PPP1R12C: variants seen among roughly 807,000 people sequenced by gnomAD.
The protein encoded by PPP1R12C is leukocyte receptor cluster (LRC) encoded novel gene 3.
A neutral mutation model predicts 95.6 loss-of-function variants in PPP1R12C; 48 were observed. That is an observed-to-expected ratio of 0.50 (90% CI 0.40 to 0.64). The LOEUF (loss-of-function observed/expected upper bound fraction) is 0.64, where lower values mean the gene tolerates loss of function less well. PPP1R12C is among the 30% of genes least tolerant of loss of function. The pLI is 0.00. For missense variants in PPP1R12C, 1,057 were observed against 1,083.3 expected (o/e 0.98, Z 0.34); for synonymous variants, 480 against 460.8 (o/e 1.04, Z -0.53).
intron 6 of PPP1R12C, among the ~76,000 whole-genome samples, 177 bp downstream of exon 6, chr19:55,098,607 G>A (rs1183516304): frequency 1.3e-5 from 2 of 152,264 alleles, no homozygotes; most frequent in Non-Finnish European, 2.9e-5. Context: ...TCTCTGTCCT[G>A]CCCCGGCTGG....
At chr19:55,100,620 G>T (rs866812773) in intron 4 of PPP1R12C, among the ~76,000 whole-genome samples, 13 of 152,124 alleles carry the variant, frequency 8.5e-5, no homozygotes, top group Non-Finnish European at 1.6e-4. Context: ...GTTTTGGTTT[G>T]GTTTTGTTTT....
At position 55,110,186 on chromosome 19, in the gene PPP1R12C, A is replaced by C. The variant is rs554421319; in HGVS notation, c.571+2281T>G. On this transcript the variant is annotated intron_variant, in intron 3 of 21. Transcript: ENST00000263433. The stretch of plus-strand genomic sequence containing the variant: ...GACTGATCCAGACAGAGGGAGCCTA[A>C]ATCACCCAGATCTGGATCCCTAGCT... 9.8e-5 allele frequency among the ~76,000 whole-genome samples: 15 copies of C among 152,294 alleles called. 1 individual carries two copies. In the South Asian group the frequency reaches 2.7e-3, roughly 27 times the overall value.
rs149471878 is a variant in PPP1R12C, at chr19:55,093,053, G to T, written c.1788C>A (p.Val596=). ...QSLDPSRRPR[V]PGVENSDSPA... is the part of the protein sequence containing the mutation. Reference sequence around the variant, plus strand: ...GGCTGTCAGAGTTCTCCACTCCAGGGACGCGGGGCCTTCGGGAAGGGTCCT... The same window carrying T: ...GGCTGTCAGAGTTCTCCACTCCAGGTACGCGGGGCCTTCGGGAAGGGTCCT... Residue 596 remains valine, a synonymous_variant, in exon 15 of 22, where the codon GTC becomes GTA. Coordinates refer to ENST00000263433, the MANE Select transcript of PPP1R12C (RefSeq NM_017607.4). 16 of 1,598,362 alleles carry T rather than the reference G, an allele frequency of 1.0e-5. No homozygotes were observed. In the African/African-American group the frequency reaches 1.6e-4, roughly 16 times the overall value.
At chr19:55,110,548 C>T (rs1481371466) in intron 3 of PPP1R12C, among the ~76,000 whole-genome samples, 1 of 152,146 alleles carries the variant, frequency 6.6e-6, no homozygotes, top group East Asian at 1.9e-4. Flanking sequence ...CAGGAGATAC[C>T]TGCTGTGCAT....
intron 6 of PPP1R12C, among the ~76,000 whole-genome samples, chr19:55,097,814 C>T (rs1375289743): frequency 1.3e-5 from 2 of 152,168 alleles, no homozygotes; most frequent in Admixed American, 1.3e-4. Flanking sequence ...GGTCTCCCCC[C>T]ATATCTGGGC....
intron 11 of PPP1R12C, chr19:55,095,065 G>T: frequency 1.5e-6 from 1 of 679,258 alleles, no homozygotes; most frequent in Non-Finnish European, 2.5e-6. Flanking sequence ...TGGCAGCAGG[G>T]TGGTCAGTGT....
Position 55,096,296 on chromosome 19 carries a change from C to G in PPP1R12C, c.991G>C (p.Glu331Gln), listed in dbSNP as rs898692203. ...TTGCTGCTAGAGGGCGCTTGGGGCT[C>G]CTGGCCCCGGCTCTGGGAAGCTTCT... Reference protein sequence around the residue: ...QKEASQSRGQEPQAPSSSKHR... With the variant: ...QKEASQSRGQQPQAPSSSKHR... The change falls in exon 7 of 22, where the codon GAG (glutamate) becomes CAG (glutamine). Residue 331 changes from glutamate (E) to glutamine (Q), a missense_variant. Physicochemically the swap from Glu to Gln is conservative, Grantham distance 29. Transcript: ENST00000263433. The G allele has an allele frequency of 2.8e-5, 45 of 1,613,706 alleles. No individual in the cohort carries two copies. Among genetic ancestry groups the G allele is most frequent in the Non-Finnish European group, 3.6e-5 (42 of 1,179,948 alleles).
intron 4 of PPP1R12C, among the ~76,000 whole-genome samples, chr19:55,100,287 C>G (rs567753453): frequency 5.9e-5 from 9 of 152,364 alleles, no homozygotes; most frequent in Admixed American, 4.6e-4. Context: ...AATGCTGCCC[C>G]CCAGGGGACA....
rs1000531878 is a variant in PPP1R12C at position 55,117,560 on chromosome 19, C to T, written c.-17G>A. On this transcript the variant is annotated 5_prime_UTR_variant, in exon 1 of 22. Transcript: ENST00000263433. ...TCCGGACATCGCACCGCCCGCCCGC[C>T]CAGCGAGCGAGCGAGCGCCGAGCCC... 3.0e-6 allele frequency: 3 copies of T among 995,488 alleles called. No individual in the cohort carries two copies. Among genetic ancestry groups the T allele is most frequent in the Non-Finnish European group, 2.4e-6 (2 of 838,166 alleles). 61.7% of individuals were successfully genotyped at this position (995,488 alleles called of 1,614,324 possible). A position where few individuals can be genotyped will look rare whatever the true frequency, so the allele number is the denominator to read the frequency against.
At chr19:55,113,362 G>C (rs958147714) in intron 1 of PPP1R12C, 35 of 1,394,736 alleles carry the variant, frequency 2.5e-5, no homozygotes, top group Non-Finnish European at 3.2e-5. Flanking sequence ...GCCTGGGCGG[G>C]ACTCCCAGAG....
chr19:55,113,710 C>G, intron 1 of PPP1R12C: 3 of 783,134 alleles, frequency 3.8e-6, no homozygotes, highest in Non-Finnish European at 5.2e-6. Context: ...GAGGGAGCTA[C>G]GAGGGCCAAG....
chr19:55,096,373 G>A (rs1327129389), intron 6 of PPP1R12C, 38 bp from the exon 7 acceptor site: 2 of 1,599,444 alleles, frequency 1.3e-6, no homozygotes, highest in African/African-American at 2.7e-5. Context: ...GAGGGGTGGA[G>A]CACACGTGCC....
Position 55,095,431 on chromosome 19 carries a change from C to G in PPP1R12C, c.1386+14G>C, listed in dbSNP as rs1267157040. Reference sequence around the variant, plus strand: ...CAGGGGCCTGGGCCTGGACCCGGCCCAACCCTCACTCACCTGAGTGGAGGT... The same window carrying G: ...CAGGGGCCTGGGCCTGGACCCGGCCGAACCCTCACTCACCTGAGTGGAGGT... On this transcript the variant is annotated intron_variant, in intron 10 of 21. Transcript: ENST00000263433. 1 of 1,560,852 alleles carries G rather than the reference C, an allele frequency of 6.4e-7. No individual in the cohort carries two copies. Among genetic ancestry groups the G allele is most frequent in the Non-Finnish European group, 8.7e-7 (1 of 1,152,846 alleles).
At position 55,103,572 on chromosome 19, in the gene PPP1R12C, G is replaced by A; in HGVS notation, c.572-4C>T. 6.4e-7 allele frequency: 1 copy of A among 1,567,666 alleles called. No individual in the cohort carries two copies. The highest frequency in any genetic ancestry group is 1.4e-5 in the African/African-American group (1 of 73,578). On this transcript the variant is annotated splice_region_variant and splice_polypyrimidine_tract_variant and intron_variant, in intron 3 of 21. Transcript: ENST00000263433. ...TTGGCTGCTTCCACATCCACACCTA[G>A]GAGGATAAGAGGCACGAGGTAGGAC...
rs1171396975 is a variant in PPP1R12C at position 55,117,397 on chromosome 19, G to A, written c.147C>T (p.Phe49=). 1 of 1,053,968 alleles carries A rather than the reference G, an allele frequency of 9.5e-7. No individual in the cohort carries two copies. Among genetic ancestry groups the A allele is most frequent in the Non-Finnish European group, 1.1e-6 (1 of 876,528 alleles). 65.3% of individuals were successfully genotyped at this position (1,053,968 alleles called of 1,614,324 possible). The change falls in exon 1 of 22, where the codon TTC becomes TTT. Residue 49 remains phenylalanine (F), a synonymous_variant. Transcript: ENST00000263433. Reference sequence around the variant, plus strand: ...CCGCCAGGAACTCGGCGGCGCGCTCGAAGCGGACGGTGCGGGCGCGGCGCT... The same window carrying A: ...CCGCCAGGAACTCGGCGGCGCGCTCAAAGCGGACGGTGCGGGCGCGGCGCT... The part of the protein sequence containing the change: ...PGERRARTVR[F]ERAAEFLAAC...
In PPP1R12C at chr19:55,092,878, G is replaced by C; in HGVS notation, c.1826-10C>G. 1.3e-6 allele frequency: 2 copies of C among 1,598,704 alleles called. No individual in the cohort carries two copies. The highest frequency in any genetic ancestry group is 2.2e-5 in the South Asian group (2 of 89,676). ...CCGTCGGGCGCCTCTGCTGGGGGAG[G>C]GGCAGGAATCAGCCCAGGCACCTCC... On this transcript the variant is annotated splice_polypyrimidine_tract_variant and intron_variant, in intron 15 of 21. Transcript: ENST00000263433.
At chr19:55,101,986 T>C (rs2084984687) in intron 4 of PPP1R12C, among the ~76,000 whole-genome samples, 2 of 151,030 alleles carry the variant, frequency 1.3e-5, no homozygotes, top group African/African-American at 2.4e-5. Context: ...ACTGTCAACA[T>C]AGAGATGAGC....
chr19:55,092,383 G>C, intron 18 of PPP1R12C, 57 bp from the exon 19 acceptor site: 3 of 1,568,682 alleles, frequency 1.9e-6, no homozygotes, highest in Non-Finnish European at 2.6e-6. Flanking sequence ...GGGGGGGCGG[G>C]GAAGCCAGGA....
chr19:55,099,354 C>A (rs1182599142), intron 4 of PPP1R12C, among the ~76,000 whole-genome samples: 1 of 152,186 alleles, frequency 6.6e-6, no homozygotes, highest in Non-Finnish European at 1.5e-5. Context: ...CTGGTGCTGG[C>A]AGGGGGTCAC....
Sources: gnomAD v4.1 joint callset for allele counts (sites outside exome capture counted in the v4.1 genomes callset) on GRCh38, gnomAD v4.1.1 for gene constraint, MANE v1.5 for transcripts, NCBI Gene and HGNC (gene_info 2026-07-23, HGNC 2026-07-21) for gene names.